The following HMCN2 variants were observed in gnomAD, a reference collection of about 807,000 sequenced individuals.
The protein encoded by HMCN2 is hemicentin 2.
HMCN2 carries 325 observed loss-of-function variants against 377.5 expected under a neutral mutation model. The ratio of observed to expected loss-of-function variants is 0.86; its 90% CI spans 0.79 to 0.94. The LOEUF (loss-of-function observed/expected upper bound fraction) is 0.94. Among genes scored for constraint, HMCN2 ranks in the 40% least tolerant of loss-of-function variants. HMCN2 has a pLI of 0.00. For synonymous variants in HMCN2, 2,007 were observed against 2,046.8 expected, an observed-to-expected ratio of 0.98 and a Z score of 0.53; for missense variants, 4,543 against 4,725.3, an observed-to-expected ratio of 0.96 and a Z score of 1.13.
Position 130,368,290 on chromosome 9 carries a change from G to A in HMCN2, c.6640G>A (p.Gly2214Arg), listed in dbSNP as rs896837590. Residue 2214 changes from glycine (G) to arginine (R), a missense_variant, in exon 44 of 98, where the codon GGG (glycine) becomes AGG (arginine). Around this residue, in one of 5 missense-constraint regions of HMCN2, gnomAD observed 1,032 missense variants for 1,285.1 expected, o/e 0.80. Coordinates refer to ENST00000683500, the MANE Select transcript of HMCN2 (RefSeq NM_001291815.2). ...SWRKDGQPLP[G>R]EGAGLQHVSA... Reference sequence around the variant, plus strand: ...CCTGCACCCAGGTCAACCCCTCCCCGGGGAGGGGGCTGGCCTCCAGCACGT... The same window carrying A: ...CCTGCACCCAGGTCAACCCCTCCCCAGGGAGGGGGCTGGCCTCCAGCACGT... 2.2e-4 allele frequency: 216 copies of A among 985,584 alleles called. No homozygotes were observed. Among genetic ancestry groups the A allele is most frequent in the Non-Finnish European group, 2.4e-4 (202 of 829,902 alleles). The allele number at this position is 985,584 out of a possible 1,614,324, so 61.1% of individuals were successfully genotyped here.
At chr9:130,405,105 C>A (rs1409872038) in intron 81 of HMCN2, 46 bp downstream of exon 81, 2 of 1,214,654 alleles carry the variant, frequency 1.6e-6, no homozygotes, top group Admixed American at 2.6e-5. Context: ...ATGGCTGAGA[C>A]CCCTGTTTGT....
intron 4 of HMCN2, among the ~76,000 whole-genome samples, chr9:130,287,242 C>T (rs1204523693): frequency 1.3e-5 from 2 of 152,120 alleles, no homozygotes; most frequent in African/African-American, 4.8e-5. Context: ...ACCCCTCTGC[C>T]TTTCTGGTCC....
At position 130,299,049 on chromosome 9, in the gene HMCN2, A is replaced by G. The variant is rs1045409305; in HGVS notation, c.1037A>G (p.Asn346Ser). 6.4e-6 allele frequency: 3 copies of G among 470,484 alleles called. No individual in the cohort carries two copies. The highest frequency in any genetic ancestry group is 6.0e-5 in the African/African-American group (3 of 50,000). 29.1% of individuals were successfully genotyped at this position (470,484 alleles called of 1,614,324 possible). A position where few individuals can be genotyped will look rare whatever the true frequency, so the allele number is the denominator to read the frequency against. The part of the protein sequence containing the change: ...LQGVPISLVI[N>S]STGLKAPGRL... ...GGAGTCCCCATCTCCCTGGTGATCA[A>G]TTCCACGGGCCTGAAGGCACCCGGC... The change falls in exon 8 of 98, where the codon AAT (asparagine) becomes AGT (serine). Residue 346 changes from asparagine to serine, a missense_variant. Asn to Ser is a conservative substitution (Grantham distance 46). Transcript: ENST00000683500.
intron 45 of HMCN2, among the ~76,000 whole-genome samples, chr9:130,370,760 C>G (rs1840978542): frequency 6.6e-6 from 1 of 152,194 alleles, no homozygotes; most frequent in African/African-American, 2.4e-5. Flanking sequence ...AGGAGCCTGC[C>G]CGACTCCAGA....
In HMCN2 at chr9:130,356,139, C is replaced by G. The variant is rs1019444607; in HGVS notation, c.5307C>G (p.Ala1769=). ...PAEELAGVQV[A]SQGTTLHIDH... ...AGGAGCTGGCTGGGGTGCAGGTGGC[C>G]TCGCAGGGGACCACACTGCACATTG... The change falls in exon 34 of 98, where the codon GCC becomes GCG. Residue 1769 remains alanine (A), a synonymous_variant. Coordinates refer to ENST00000683500, the MANE Select transcript of HMCN2 (RefSeq NM_001291815.2). The G allele has an allele frequency of 3.8e-6, 5 of 1,301,530 alleles. No individual in the cohort carries two copies. The African/African-American group carries it at 7.6e-5, about 20-fold the overall frequency. 80.6% of individuals were successfully genotyped at this position (1,301,530 alleles called of 1,614,324 possible). A position where few individuals can be genotyped will look rare whatever the true frequency, so the allele number is the denominator to read the frequency against.
chr9:130,387,889 C>A (rs906587869), intron 61 of HMCN2, among the ~76,000 whole-genome samples: 1 of 151,988 alleles, frequency 6.6e-6, no homozygotes, highest in Non-Finnish European at 1.5e-5. Context: ...TCAGACTGGG[C>A]GACATAGTGA....
intron 22 of HMCN2, among the ~76,000 whole-genome samples, chr9:130,333,729 C>T (rs1838558062): frequency 6.6e-6 from 1 of 152,218 alleles, no homozygotes; most frequent in African/African-American, 2.4e-5. Context: ...TCCCACTGAG[C>T]TTCTGGGAAT....
At chr9:130,378,326 G>GAT (rs1841504519) in intron 53 of HMCN2, among the ~76,000 whole-genome samples, 1 of 136,728 alleles carries the variant, frequency 7.3e-6, no homozygotes, top group Non-Finnish European at 1.6e-5. Flanking sequence ...AGGAGGCTGG[G>GAT]GAGGAGGCTG....
chr9:130,296,483 G>A (rs1554932131), intron 6 of HMCN2, among the ~76,000 whole-genome samples, 191 bp from the exon 7 acceptor site: 2 of 152,200 alleles, frequency 1.3e-5, no homozygotes, highest in South Asian at 2.1e-4. Flanking sequence ...GTTGTAAGCT[G>A]GGGCTTCAGC....
chr9:130,344,259 G>A (rs1839219722), intron 25 of HMCN2, among the ~76,000 whole-genome samples: 2 of 152,132 alleles, frequency 1.3e-5, no homozygotes, highest in Non-Finnish European at 2.9e-5. Flanking sequence ...GCATGTGTGT[G>A]AGTGTGCGAA....
chr9:130,274,053 AT>A (rs55718524), intron 1 of HMCN2, among the ~76,000 whole-genome samples: 289 of 144,234 alleles, frequency 2.0e-3, no homozygotes, highest in Admixed American at 2.2e-3. Flanking sequence ...TGATACATTA[AT>A]TTTTTTTTTT....
chr9:130,422,534 G>T lies in HMCN2; in HGVS notation c.13232-43G>T. ...AGCCTGCTTGTGCTGTGGGCCCCGG[G>T]GTGGATAGTCAGTGGCACTGTCATT... is the stretch of plus-strand genomic sequence containing the variant. On this transcript the variant is annotated intron_variant, in intron 86 of 97. Transcript: ENST00000683500. This position sits in a 1 kb window ranked among gnomAD's most constrained non-coding sequence, Gnocchi z 4.2. 3.9e-6 allele frequency: 5 copies of T among 1,289,656 alleles called. No homozygotes were observed. 79.9% of individuals were successfully genotyped at this position (1,289,656 alleles called of 1,614,324 possible). A position where few individuals can be genotyped will look rare whatever the true frequency, so the allele number is the denominator to read the frequency against.
intron 75 of HMCN2, 95 bp downstream of exon 75, chr9:130,398,802 G>T (rs1004936309): frequency 1.8e-6 from 2 of 1,098,742 alleles, no homozygotes; most frequent in Admixed American, 2.6e-5. Context: ...GGGGCGGGGT[G>T]TGCTCAGGTC....
chr9:130,418,756 C>T lies in HMCN2; in HGVS notation c.12962-16C>T. The stretch of plus-strand genomic sequence containing the variant: ...AATAATTAAATGTTCCTAAAAGCCA[C>T]CTGGGCCTCCCACAGGTGCTCCGGT... On this transcript the variant is annotated splice_polypyrimidine_tract_variant and intron_variant, in intron 85 of 97. Transcript: ENST00000683500. 7.2e-7 allele frequency: 1 copy of T among 1,394,346 alleles called. No individual in the cohort carries two copies. Among genetic ancestry groups the T allele is most frequent in the Non-Finnish European group, 9.4e-7 (1 of 1,065,546 alleles). 86.4% of individuals were successfully genotyped at this position (1,394,346 alleles called of 1,614,324 possible). A position where few individuals can be genotyped will look rare whatever the true frequency, so the allele number is the denominator to read the frequency against.
At chr9:130,400,072 G>T (rs1487654444) in intron 76 of HMCN2, among the ~76,000 whole-genome samples, 1 of 152,210 alleles carries the variant, frequency 6.6e-6, no homozygotes, top group Non-Finnish European at 1.5e-5. Context: ...GCCTCAAGGG[G>T]TTTGCACACG....
At position 130,395,984 on chromosome 9, in the gene HMCN2, A is replaced by C. The variant is rs1256057923; in HGVS notation, c.10972A>C (p.Thr3658Pro). 3 of 1,287,582 alleles carry C rather than the reference A, an allele frequency of 2.3e-6. No individual in the cohort carries two copies. Among genetic ancestry groups the C allele is most frequent in the Non-Finnish European group, 3.0e-6 (3 of 988,752 alleles). 79.8% of individuals were successfully genotyped at this position (1,287,582 alleles called of 1,614,324 possible). The change falls in exon 72 of 98, where the codon ACG becomes CCG. Residue 3658 changes from threonine (T) to proline (P), a missense_variant. Physicochemically the swap from Thr to Pro is conservative, Grantham distance 38 (BLOSUM62 -1). Coordinates refer to ENST00000683500, the MANE Select transcript of HMCN2 (RefSeq NM_001291815.2). ...GTTCCTCCAGCTGCAGGCCCTGAGCACGGCTGACAGCGGCGACTACAGCTG... is the reference window on the plus strand; with the variant it reads ...GTTCCTCCAGCTGCAGGCCCTGAGCCCGGCTGACAGCGGCGACTACAGCTG... ...GRFLQLQALS[T>P]ADSGDYSCTA...
intron 4 of HMCN2, among the ~76,000 whole-genome samples, chr9:130,287,549 C>A (rs1373123815): frequency 1.7e-5 from 1 of 57,340 alleles, no homozygotes; most frequent in African/African-American, 8.2e-5. Flanking sequence ...GAAACTCTGT[C>A]TTAAAAAAAA....
intron 25 of HMCN2, among the ~76,000 whole-genome samples, chr9:130,343,771 G>A (rs1839191526): frequency 6.6e-6 from 1 of 152,232 alleles, no homozygotes; most frequent in Non-Finnish European, 1.5e-5. Context: ...TGCCGCCTGG[G>A]CTGCCCCGGC....
intron 22 of HMCN2, among the ~76,000 whole-genome samples, chr9:130,332,992 G>A (rs1007041468): frequency 2.0e-5 from 3 of 152,316 alleles, no homozygotes; most frequent in Non-Finnish European, 2.9e-5. Flanking sequence ...TCTGGGGAGG[G>A]CAGGAGGGCA....
Sources: allele counts gnomAD v4.1 joint callset (sites outside exome capture counted in the v4.1 genomes callset), GRCh38; gene constraint gnomAD v4.1.1; regional missense constraint gnomAD v4.1.1; non-coding constraint Gnocchi (gnomAD v3.1); transcripts MANE v1.5; gene names NCBI Gene and HGNC (gene_info 2026-07-23, HGNC 2026-07-21).